Variants in IKBKB-DT observed in about 807,000 individuals in gnomAD.
IKBKB-DT encodes the protein IKBKB antisense RNA.
intron 3 of IKBKB-DT, among the ~76,000 whole-genome samples, chr8:42,240,165 C>T (rs997926147): frequency 8.0e-5 from 12 of 149,994 alleles, no homozygotes; most frequent in Admixed American, 1.3e-4. Context: ...GATGGTTGCA[C>T]AAGATGCTTT....
At chr8:42,261,425 C>T (rs962788769) in intron 3 of IKBKB-DT, among the ~76,000 whole-genome samples, 2 of 152,124 alleles carry the variant, frequency 1.3e-5, no homozygotes, top group Admixed American at 6.5e-5. Flanking sequence ...TCATGTCCCT[C>T]TCCCCCTTGA....
intron 3 of IKBKB-DT, among the ~76,000 whole-genome samples, chr8:42,260,921 C>T (rs1428383224): frequency 6.6e-6 from 1 of 152,140 alleles, no homozygotes; most frequent in Non-Finnish European, 1.5e-5. Context: ...TGCAAAGATA[C>T]AGCCCTTTCC....
chr8:42,254,108 G>A (rs1210740396), intron 3 of IKBKB-DT, among the ~76,000 whole-genome samples: 2 of 152,328 alleles, frequency 1.3e-5, no homozygotes, highest in East Asian at 3.9e-4. Context: ...AAGAATGTTA[G>A]CACAGGTCTT....
chr8:42,247,834 C>T (rs146323084), intron 3 of IKBKB-DT, among the ~76,000 whole-genome samples: 173 of 152,250 alleles, frequency 1.1e-3, no homozygotes, highest in African/African-American at 3.9e-3. Flanking sequence ...GTGGCTCACA[C>T]CTATAATCTC....
At chr8:42,269,607 G>C (rs1162423129) in intron 1 of IKBKB-DT, among the ~76,000 whole-genome samples, 1 of 144,806 alleles carries the variant, frequency 6.9e-6, no homozygotes, top group Non-Finnish European at 1.5e-5. Flanking sequence ...GGGAGGAGAG[G>C]GGAGGGGGAA....
chr8:42,234,252 T>A (rs1322895271), intron 3 of IKBKB-DT, among the ~76,000 whole-genome samples: 5 of 152,208 alleles, frequency 3.3e-5, no homozygotes, highest in African/African-American at 1.2e-4. Context: ...CAAAGGCAGT[T>A]TCATGACCAT....
At chr8:42,257,944 T>C (rs1255872471) in intron 3 of IKBKB-DT, among the ~76,000 whole-genome samples, 2 of 151,612 alleles carry the variant, frequency 1.3e-5, no homozygotes, top group African/African-American at 4.8e-5. Context: ...TTTTTTTTTT[T>C]AGCTTAGCTC....
exon 1 of IKBKB-DT, chr8:42,271,141 T>C: frequency 1.8e-6 from 1 of 550,928 alleles, no homozygotes; most frequent in Non-Finnish European, 3.2e-6. Flanking sequence ...GCACGGTCTG[T>C]CTACTTTCCC....
chr8:42,253,222 T>C (rs997392625), intron 3 of IKBKB-DT, among the ~76,000 whole-genome samples: 5 of 152,216 alleles, frequency 3.3e-5, no homozygotes, highest in Non-Finnish European at 7.3e-5. Flanking sequence ...CTTAGACAAA[T>C]TCAACCAATT....
chr8:42,266,833 A>T (rs1807376767), intron 1 of IKBKB-DT, among the ~76,000 whole-genome samples: 1 of 152,102 alleles, frequency 6.6e-6, no homozygotes, highest in Non-Finnish European at 1.5e-5. Flanking sequence ...TGGCAACATC[A>T]GGAAGTTACC....
chr8:42,268,806 ATC>A (rs1563280282), intron 1 of IKBKB-DT, among the ~76,000 whole-genome samples: 1 of 152,082 alleles, frequency 6.6e-6, no homozygotes. Context: ...ACCTCAAGTG[ATC>A]TGCCTACCTT....
At chr8:42,234,591 G>A (rs569534981) in intron 3 of IKBKB-DT, among the ~76,000 whole-genome samples, 44 of 151,998 alleles carry the variant, frequency 2.9e-4, no homozygotes, top group Non-Finnish European at 5.7e-4. Flanking sequence ...CTAACTTTGG[G>A]AGAAATTTAT....
intron 3 of IKBKB-DT, among the ~76,000 whole-genome samples, chr8:42,235,361 C>A (rs1238505956): frequency 6.6e-6 from 1 of 151,752 alleles, no homozygotes; most frequent in African/African-American, 2.4e-5. Flanking sequence ...TACACCACCA[C>A]GCCCAGCTAA....
At chr8:42,253,214 T>G (rs1807152584) in intron 3 of IKBKB-DT, among the ~76,000 whole-genome samples, 1 of 152,230 alleles carries the variant, frequency 6.6e-6, no homozygotes, top group Non-Finnish European at 1.5e-5. Flanking sequence ...TTGCAGGTCT[T>G]AGACAAATTC....
intron 2 of IKBKB-DT, among the ~76,000 whole-genome samples, chr8:42,263,623 C>T (rs1807320952): frequency 6.6e-6 from 1 of 152,108 alleles, no homozygotes; most frequent in Non-Finnish European, 1.5e-5. Flanking sequence ...CCAGTTGAAA[C>T]AAAACAAGAA....
intron 3 of IKBKB-DT, among the ~76,000 whole-genome samples, chr8:42,255,944 T>G (rs1447868416): frequency 1.3e-5 from 2 of 151,436 alleles, no homozygotes; most frequent in Non-Finnish European, 2.9e-5. Context: ...GAGAATCGCT[T>G]GAACCCGGGA....
intron 3 of IKBKB-DT, among the ~76,000 whole-genome samples, chr8:42,251,128 A>C (rs564627545): frequency 1.3e-5 from 2 of 152,330 alleles, no homozygotes; most frequent in East Asian, 3.9e-4. Flanking sequence ...TGTTAGAAAT[A>C]GATCATCGGT....
At chr8:42,251,828 C>CAAAAAAAAAAAAAAA (rs59420104) in intron 3 of IKBKB-DT, among the ~76,000 whole-genome samples, 11 of 91,446 alleles carry the variant, frequency 1.2e-4, no homozygotes, top group African/African-American at 4.3e-4. Flanking sequence ...GACTCCATCT[C>CAAAAAAAAAAAAAAA]AAAAAAAAAA....
chr8:42,250,069 G>C (rs1807112987), intron 3 of IKBKB-DT, among the ~76,000 whole-genome samples: 3 of 151,756 alleles, frequency 2.0e-5, no homozygotes, highest in African/African-American at 7.3e-5. Flanking sequence ...AAAACTAGAG[G>C]TTTTTGTTTG....
Sources: gnomAD v4.1 joint callset for allele counts (sites outside exome capture counted in the v4.1 genomes callset) on GRCh38, gnomAD v4.1.1 for gene constraint, MANE v1.5 for transcripts, NCBI Gene and HGNC (gene_info 2026-07-23, HGNC 2026-07-21) for gene names.